AGBL4: variants seen among roughly 807,000 people sequenced by gnomAD.
The protein encoded by AGBL4 is cytosolic carboxypeptidase 6.
A neutral mutation model predicts 66.4 loss-of-function variants in AGBL4; 58 were observed. The ratio of observed to expected loss-of-function variants is 0.87; its 90% confidence interval spans 0.71 to 1.09. AGBL4 has a LOEUF of 1.09. Ranked by LOEUF, AGBL4 falls within the 50% of genes least tolerant of loss-of-function variation. AGBL4 has a pLI of 0.00. For synonymous variants in AGBL4, 234 were observed against 222.9 expected (o/e 1.05, Z -0.44); for missense variants, 579 against 631.0 (o/e 0.92, Z 0.88).
At chr1:49,934,546 C>G (rs1041435689) in intron 1 of AGBL4, among the ~76,000 whole-genome samples, 1 of 152,110 alleles carries the variant, frequency 6.6e-6, no homozygotes, top group African/African-American at 2.4e-5. Flanking sequence ...CAGCTGCATG[C>G]TTCTGAACAA....
chr1:48,680,625 C>T (rs1261674959), intron 6 of AGBL4, among the ~76,000 whole-genome samples: 1 of 152,222 alleles, frequency 6.6e-6, no homozygotes. Context: ...CACCTTGTGG[C>T]AAGGCCGAAG....
intron 2 of AGBL4, among the ~76,000 whole-genome samples, chr1:49,751,942 G>A (rs1313198888): frequency 1.3e-5 from 2 of 150,248 alleles, no homozygotes; most frequent in Non-Finnish European, 3.0e-5. Flanking sequence ...ATCACTTTTT[G>A]GCATTTATTT....
intron 5 of AGBL4, among the ~76,000 whole-genome samples, chr1:48,984,731 G>T (rs1660046955): frequency 6.6e-6 from 1 of 151,810 alleles, no homozygotes; most frequent in African/African-American, 2.4e-5. Context: ...CTAGGGAGAT[G>T]CAAGGCTTAT....
intron 3 of AGBL4, among the ~76,000 whole-genome samples, chr1:49,549,956 G>T (rs1652821701): frequency 6.6e-6 from 1 of 152,040 alleles, no homozygotes; most frequent in Non-Finnish European, 1.5e-5. Flanking sequence ...TATAAATTTG[G>T]GAGCTCCAGT....
chr1:49,362,047 A>T (rs1644147181), intron 3 of AGBL4, among the ~76,000 whole-genome samples: 1 of 152,066 alleles, frequency 6.6e-6, no homozygotes, highest in African/African-American at 2.4e-5. Context: ...TTCCACTTGG[A>T]TGCTAAGGAC....
chr1:48,612,428 C>T (rs1645252646), intron 9 of AGBL4, among the ~76,000 whole-genome samples: 1 of 152,174 alleles, frequency 6.6e-6, no homozygotes, highest in Non-Finnish European at 1.5e-5. Flanking sequence ...GCAGAGAAGG[C>T]ATCCTGAAGA....
intron 3 of AGBL4, among the ~76,000 whole-genome samples, chr1:49,507,504 T>A (rs1287270043): frequency 6.6e-6 from 1 of 152,024 alleles, no homozygotes; most frequent in Non-Finnish European, 1.5e-5. Context: ...ATTTTTTTTT[T>A]ATTCTGGTGA....
intron 9 of AGBL4, among the ~76,000 whole-genome samples, chr1:48,594,543 T>C (rs1644967637): frequency 1.3e-5 from 2 of 152,192 alleles, no homozygotes; most frequent in African/African-American, 4.8e-5. Context: ...TGTTCATGTA[T>C]TTTTCATGTA....
At chr1:48,716,780 G>C (rs1647058336) in intron 6 of AGBL4, among the ~76,000 whole-genome samples, 1 of 152,158 alleles carries the variant, frequency 6.6e-6, no homozygotes, top group Non-Finnish European at 1.5e-5. Context: ...TAGCAACTCT[G>C]GTTAGCTCTG....
At position 48,634,567 on chromosome 1, in the gene AGBL4, G is replaced by A; in HGVS notation, c.877C>T (p.Leu293=). The A allele has an allele frequency of 6.2e-7, 1 of 1,605,700 alleles. No homozygotes were observed. Among genetic ancestry groups the A allele is most frequent in the Non-Finnish European group, 8.5e-7 (1 of 1,175,996 alleles). ...LMGFDLNRHW[L]DPSPWVHPTL... The stretch of plus-strand genomic sequence containing the variant: ...GGATGGACCCATGGAGAGGGATCCA[G>A]CCAGTGACGATTCAGATCAAATCCC... The change falls in exon 9 of 14, where the codon CTG becomes TTG. Residue 293 remains leucine, a synonymous_variant. Transcript: ENST00000371839.
At chr1:49,696,106 CA>C (rs1426327468) in intron 3 of AGBL4, among the ~76,000 whole-genome samples, 1 of 152,106 alleles carries the variant, frequency 6.6e-6, no homozygotes, top group Non-Finnish European at 1.5e-5. Flanking sequence ...TAGCAAAAGA[CA>C]ACATAAAGTA....
intron 2 of AGBL4, among the ~76,000 whole-genome samples, chr1:49,817,300 A>T (rs1645255854): frequency 6.6e-6 from 1 of 152,204 alleles, no homozygotes; most frequent in South Asian, 2.1e-4. Flanking sequence ...TAAAGTATTT[A>T]GGAACAAGGA....
At chr1:48,989,621 A>C (rs1295125678) in intron 5 of AGBL4, among the ~76,000 whole-genome samples, 1 of 152,152 alleles carries the variant, frequency 6.6e-6, no homozygotes, top group Non-Finnish European at 1.5e-5. Context: ...AGTGAGAACA[A>C]ACAAAGTTTG....
intron 3 of AGBL4, among the ~76,000 whole-genome samples, chr1:49,253,072 G>A (rs987386002): frequency 2.6e-5 from 4 of 152,072 alleles, no homozygotes; most frequent in Non-Finnish European, 5.9e-5. Context: ...AACTTTAAAT[G>A]TAAATGAGCT....
At chr1:49,603,124 C>T (rs775600964) in intron 3 of AGBL4, among the ~76,000 whole-genome samples, 1 of 152,092 alleles carries the variant, frequency 6.6e-6, no homozygotes, top group Non-Finnish European at 1.5e-5. Context: ...CAAACCCCTG[C>T]TCCTAGCAGC....
rs1472694951 is a variant in AGBL4, at chr1:49,237,656, C to G, written c.377+8114G>C. Reference sequence around the variant, plus strand: ...CTCTACCTTATTTTAAGTCCCTTTACCTTTCCACGTGTAATTCTGTTAAAT... The same window carrying G: ...CTCTACCTTATTTTAAGTCCCTTTAGCTTTCCACGTGTAATTCTGTTAAAT... On this transcript the variant is annotated intron_variant, in intron 4 of 13. Transcript: ENST00000371839. 2.0e-5 allele frequency among the ~76,000 whole-genome samples: 3 copies of G among 150,634 alleles called. No individual in the cohort carries two copies. In the East Asian group the frequency reaches 5.8e-4, roughly 29 times the overall value.
intron 4 of AGBL4, among the ~76,000 whole-genome samples, chr1:49,184,512 C>T (rs1407561575): frequency 6.6e-6 from 1 of 152,140 alleles, no homozygotes; most frequent in African/African-American, 2.4e-5. Flanking sequence ...TCTGTGTTTG[C>T]AAAACCACTC....
chr1:50,012,489 G>GT (rs10589221), intron 1 of AGBL4, among the ~76,000 whole-genome samples: 2 of 151,648 alleles, frequency 1.3e-5, no homozygotes, highest in Admixed American at 6.6e-5. Context: ...TACATATCCA[G>GT]TTTTTTTAAT....
At chr1:49,653,417 C>G (rs1255307846) in intron 3 of AGBL4, among the ~76,000 whole-genome samples, 1 of 151,930 alleles carries the variant, frequency 6.6e-6, no homozygotes, top group Non-Finnish European at 1.5e-5. Flanking sequence ...TCTTCTCCTC[C>G]AAATGATCAC....
Sources: gnomAD v4.1 joint callset for allele counts (sites outside exome capture counted in the v4.1 genomes callset) on GRCh38, gnomAD v4.1.1 for gene constraint, MANE v1.5 for transcripts, NCBI Gene and HGNC (gene_info 2026-07-23, HGNC 2026-07-21) for gene names.